The following CLSPN variants were observed in gnomAD, a reference collection of about 807,000 sequenced individuals.
The protein encoded by CLSPN is claspin homolog.
CLSPN carries 85 observed loss-of-function variants against 156.3 expected under a neutral mutation model. The ratio of observed to expected loss-of-function variants is 0.54; its 90% CI spans 0.46 to 0.65. CLSPN has a LOEUF of 0.65. Among genes scored for constraint, CLSPN ranks in the 30% least tolerant of loss-of-function variants. CLSPN has a pLI of 0.00. For missense variants in CLSPN, 1,407 were observed against 1,554.9 expected, an observed-to-expected ratio of 0.90 and a Z score of 1.60; for synonymous variants, 534 against 542.4, an observed-to-expected ratio of 0.98 and a Z score of 0.22.
At chr1:35,727,741 A>AT (rs929285387), downstream of CLSPN, among the ~76,000 whole-genome samples, 12 of 151,876 alleles carry the variant, frequency 7.9e-5, no homozygotes, top group Non-Finnish European at 1.2e-4. Flanking sequence ...ACACTTTACA[A>AT]TTTTTTTTTA....
intron 2 of CLSPN, 61 bp downstream of exon 2, chr1:35,765,157 A>G: frequency 2.1e-6 from 2 of 938,208 alleles, no homozygotes; most frequent in Non-Finnish European, 3.4e-6. Context: ...AAATCAATCC[A>G]ATCTACTTAC....
At chr1:35,762,377 T>C in intron 5 of CLSPN, 27 bp downstream of exon 5, 2 of 1,547,098 alleles carry the variant, frequency 1.3e-6, no homozygotes, top group Non-Finnish European at 1.8e-6. Context: ...GAGATCAGTG[T>C]GACTAATATA....
At position 35,749,810 on chromosome 1, in the gene CLSPN, G is replaced by A; in HGVS notation, c.2030C>T (p.Thr677Ile). The change falls in exon 11 of 25, where the codon ACT becomes ATT. Residue 677 changes from threonine to isoleucine, a missense_variant and splice_region_variant. Physicochemically the swap from Thr to Ile is moderately conservative, Grantham distance 89. Transcript: ENST00000318121. Reference sequence around the variant, plus strand: ...TTCACTACTAAGAAGGAATTCTGCAGTCTTTACCAATCAGGCCACCACAAA... The same window carrying A: ...TTCACTACTAAGAAGGAATTCTGCAATCTTTACCAATCAGGCCACCACAAA... ...EEEEEEGNQE[T>I]AEFLLSSEEI... 2 of 1,613,344 alleles carry A rather than the reference G, an allele frequency of 1.2e-6. No individual in the cohort carries two copies. The highest frequency in any genetic ancestry group is 1.7e-6 in the Non-Finnish European group (2 of 1,179,654).
chr1:35,766,397 A>G (rs1473500032), intron 1 of CLSPN, among the ~76,000 whole-genome samples: 3 of 151,876 alleles, frequency 2.0e-5, no homozygotes, highest in Non-Finnish European at 2.9e-5. Context: ...GTACGTATGT[A>G]TATTTCTATA....
chr1:35,760,279 T>C, intron 8 of CLSPN, 63 bp downstream of exon 8: 1 of 1,313,298 alleles, frequency 7.6e-7, no homozygotes, highest in Non-Finnish European at 1.1e-6. Flanking sequence ...TCGACAGTAG[T>C]CAATAATCAA....
At chr1:35,743,075 C>A in intron 18 of CLSPN, 66 bp downstream of exon 18, 1 of 1,225,146 alleles carries the variant, frequency 8.2e-7, no homozygotes. Context: ...GCGCAAGCCA[C>A]CATGCCTGGC....
At chr1:35,763,796 T>G (rs1199430115) in intron 3 of CLSPN, among the ~76,000 whole-genome samples, 2 of 140,936 alleles carry the variant, frequency 1.4e-5, no homozygotes, top group Admixed American at 7.5e-5. Context: ...TTTTGGTTTT[T>G]GTTTTTTTTT....
chr1:35,733,605 A>C lies in CLSPN; in HGVS notation c.*2891T>G. 1 of 981,790 alleles carries C rather than the reference A, an allele frequency of 1.0e-6. No individual in the cohort carries two copies. The highest frequency in any genetic ancestry group is 1.2e-6 in the Non-Finnish European group (1 of 829,552). 60.8% of individuals were successfully genotyped at this position (981,790 alleles called of 1,614,324 possible). A position where few individuals can be genotyped will look rare whatever the true frequency, so the allele number is the denominator to read the frequency against. On this transcript the variant is annotated 3_prime_UTR_variant, in exon 25 of 25. Coordinates refer to ENST00000318121, the MANE Select transcript of CLSPN (RefSeq NM_022111.4). ...CTTGGGAACTGTTTAGAGAGTTCAA[A>C]GAAAGAGGCAAAAACATGTATCTTG...
At position 35,732,496 on chromosome 1, in the gene CLSPN, G is replaced by A; in HGVS notation, c.*4000C>T. 1 of 985,370 alleles carries A rather than the reference G, an allele frequency of 1.0e-6. No homozygotes were observed. Among genetic ancestry groups the A allele is most frequent in the Non-Finnish European group, 1.2e-6 (1 of 829,912 alleles). The allele number at this position is 985,370 out of a possible 1,614,324, so 61.0% of individuals were successfully genotyped here. A position where few individuals can be genotyped will look rare whatever the true frequency, so the allele number is the denominator to read the frequency against. ...GAGCTTTGGTGAATAAAATCTTATG[G>A]TTTATGGAAGAGACCCTAGTATGGC... On this transcript the variant is annotated 3_prime_UTR_variant, in exon 25 of 25. Transcript: ENST00000318121.
At chr1:35,725,634 C>T (rs1191085009) in intron 24 of CLSPN, among the ~76,000 whole-genome samples, 1 of 152,170 alleles carries the variant, frequency 6.6e-6, no homozygotes, top group East Asian at 1.9e-4. Context: ...TGGGTGCCCC[C>T]CACATGTAAC....
chr1:35,726,152 C>CAAAAAAAAAAAAAAAAAAAAA lies in CLSPN; in HGVS notation c.3910-5193_3910-5173dup, dbSNP rs3041363. ...ACACACCCATAGAAACAGATGCAGA[C>CAAAAAAAAAAAAAAAAAAAAA]AAAAAAAAAAAAAAAAAAAAAAAGC... On this transcript the variant is annotated intron_variant, in intron 24 of 24. Coordinates refer to the CLSPN transcript ENST00000251195. Among the ~76,000 whole-genome samples, 16 of 48,202 alleles carry CAAAAAAAAAAAAAAAAAAAAA rather than the reference C, an allele frequency of 3.3e-4. 6 individuals are homozygous for CAAAAAAAAAAAAAAAAAAAAA. The highest frequency in any genetic ancestry group is 5.5e-4 in the East Asian group (1 of 1,834). 31.6% of individuals were successfully genotyped at this position (48,202 alleles called of 152,430 possible). A position where few individuals can be genotyped will look rare whatever the true frequency, so the allele number is the denominator to read the frequency against.
At position 35,764,640 on chromosome 1, in the gene CLSPN, C is replaced by CT. The variant is rs1362234307; in HGVS notation, c.207dup (p.Glu70ArgfsTer13). 6.2e-7 allele frequency: 1 copy of CT among 1,612,616 alleles called. No homozygotes were observed. Among genetic ancestry groups the CT allele is most frequent in the East Asian group, 2.2e-5 (1 of 44,852 alleles). On this transcript the variant is annotated frameshift_variant, in exon 3 of 25. Coordinates refer to ENST00000318121, the MANE Select transcript of CLSPN (RefSeq NM_022111.4). LOFTEE classifies it high-confidence loss of function. ...TTCTCTGGAGAGGCATTTGTGTCCT[C>CT]TGTTTCGGAATCACTGTCTTGTAGA...
chr1:35,733,434 C>T lies in CLSPN; in HGVS notation c.*3062G>A. On this transcript the variant is annotated 3_prime_UTR_variant, in exon 25 of 25. Coordinates refer to ENST00000318121, the MANE Select transcript of CLSPN (RefSeq NM_022111.4). ...TCTCCTAAAGTGCTGGCGTGAGCCA[C>T]CGGACCTGGCTGAATTTTCTTATCC... The T allele has an allele frequency of 3.1e-6, 3 of 983,162 alleles. No individual in the cohort carries two copies. The highest frequency in any genetic ancestry group is 3.6e-6 in the Non-Finnish European group (3 of 828,480). 60.9% of individuals were successfully genotyped at this position (983,162 alleles called of 1,614,324 possible). A position where few individuals can be genotyped will look rare whatever the true frequency, so the allele number is the denominator to read the frequency against.
intron 24 of CLSPN, among the ~76,000 whole-genome samples, chr1:35,726,150 G>GAAAAAAAA (rs1641182113): frequency 2.8e-4 from 1 of 3,618 alleles, no homozygotes; most frequent in Admixed American, 2.0e-3. Flanking sequence ...AACAGATGCA[G>GAAAAAAAA]ACAAAAAAAA....
chr1:35,724,891 C>T (rs182855696), intron 24 of CLSPN, among the ~76,000 whole-genome samples: 2 of 152,216 alleles, frequency 1.3e-5, no homozygotes, highest in East Asian at 3.9e-4. Context: ...AGGTAAAGTG[C>T]CTCTTTAGTC....
intron 24 of CLSPN, among the ~76,000 whole-genome samples, chr1:35,722,791 C>T (rs1305383146): frequency 1.3e-5 from 2 of 151,146 alleles, no homozygotes; most frequent in Non-Finnish European, 3.0e-5. Flanking sequence ...GCCACTGCAC[C>T]GGCTAATTTT....
At chr1:35,731,444 A>G (rs553193461), downstream of CLSPN, among the ~76,000 whole-genome samples, 1 of 152,328 alleles carries the variant, frequency 6.6e-6, no homozygotes, top group East Asian at 1.9e-4. Context: ...TGCATCGGCC[A>G]TGAGAAGTTT....
chr1:35,750,412 C>CT (rs1457930224), intron 10 of CLSPN, among the ~76,000 whole-genome samples: 6 of 128,386 alleles, frequency 4.7e-5, no homozygotes, highest in African/African-American at 1.2e-4. Flanking sequence ...TTTTTTTTTT[C>CT]TTTTTTTGAG....
At chr1:35,747,212 T>C (rs1051629776) in intron 14 of CLSPN, among the ~76,000 whole-genome samples, 1 of 151,722 alleles carries the variant, frequency 6.6e-6, no homozygotes, top group East Asian at 1.9e-4. Flanking sequence ...GTCCCAGCTA[T>C]TCGGGAGGCT....
Sources: gnomAD v4.1 joint callset for allele counts (sites outside exome capture counted in the v4.1 genomes callset) on GRCh38, gnomAD v4.1.1 for gene constraint, MANE v1.5 for transcripts, NCBI Gene and HGNC (gene_info 2026-07-23, HGNC 2026-07-21) for gene names.